The following RELCH variants were observed in gnomAD, a reference collection of about 807,000 sequenced individuals.
RELCH encodes the protein RAB11 binding and LisH domain, coiled-coil and HEAT repeat containing.
A neutral mutation model predicts 150.3 loss-of-function variants in RELCH; 41 were observed. The ratio of observed to expected loss-of-function variants is 0.27; its 90% CI spans 0.21 to 0.35. The LOEUF (loss-of-function observed/expected upper bound fraction) is 0.35. Among genes scored for constraint, RELCH ranks in the 10% least tolerant of loss-of-function variants. The pLI is 1.00. For missense variants in RELCH, 1,092 were observed against 1,467.8 expected (o/e 0.74, Z 4.18); for synonymous variants, 478 against 531.8 (o/e 0.90, Z 1.39).
chr18:62,198,612 T>C (rs542774159), intron 1 of RELCH, among the ~76,000 whole-genome samples: 11 of 152,322 alleles, frequency 7.2e-5, no homozygotes, highest in African/African-American at 2.6e-4. Context: ...AGGCTTTAGC[T>C]CACATTTGTA....
chr18:62,280,493 A>T (rs773776284), intron 23 of RELCH, 153 bp from the exon 24 acceptor site: 2 of 1,535,818 alleles, frequency 1.3e-6, no homozygotes, highest in South Asian at 2.2e-5. Flanking sequence ...CTTTTTGAGC[A>T]TTCTTCTTGG....
At position 62,282,587 on chromosome 18, in the gene RELCH, T is replaced by C. The variant is rs530250631; in HGVS notation, c.3253+143T>C. On this transcript the variant is annotated intron_variant, in intron 25 of 28. Coordinates refer to ENST00000644646, the MANE Select transcript of RELCH (RefSeq NM_001346231.2). ...GTGTACTGAAAGCCTTGTGTACTCT[T>C]GTGTACTGAAAGCTAAACATGAAAC... 2.1e-4 allele frequency: 162 copies of C among 762,444 alleles called. No homozygotes were observed. In the South Asian group the frequency reaches 2.3e-3, roughly 11 times the overall value. 47.2% of individuals were successfully genotyped at this position (762,444 alleles called of 1,614,324 possible).
chr18:62,193,423 G>A (rs2038794234), intron 1 of RELCH, among the ~76,000 whole-genome samples: 1 of 152,066 alleles, frequency 6.6e-6, no homozygotes, highest in African/African-American at 2.4e-5. Flanking sequence ...GGGGAGAGAG[G>A]GCATCCTTGT....
intron 11 of RELCH, among the ~76,000 whole-genome samples, chr18:62,249,215 A>G (rs1175713433): frequency 6.6e-6 from 1 of 152,188 alleles, no homozygotes; most frequent in African/African-American, 2.4e-5. Context: ...ATAAGAATGA[A>G]CTATGAAAGA....
intron 18 of RELCH, among the ~76,000 whole-genome samples, chr18:62,265,400 T>C (rs1416621009): frequency 6.6e-6 from 1 of 152,090 alleles, no homozygotes; most frequent in Non-Finnish European, 1.5e-5. Context: ...TAGTTTCAAA[T>C]ATTAACATTG....
Position 62,287,393 on chromosome 18 carries a change from T to TATGCAA in RELCH, c.3297_3298insTGCAAA (p.Leu1099_Gln1100insCysLys). On this transcript the variant is annotated inframe_insertion, in exon 26 of 29. Coordinates refer to ENST00000644646, the MANE Select transcript of RELCH (RefSeq NM_001346231.2). ...CATAAGTTAGCCTTGGTGAACAACT[T>TATGCAA]ACAGATTGTGGATTCTAAAAGACTG... is the stretch of plus-strand genomic sequence containing the variant. The TATGCAA allele has an allele frequency of 6.2e-7, 1 of 1,610,580 alleles. No homozygotes were observed. The highest frequency in any genetic ancestry group is 8.5e-7 in the Non-Finnish European group (1 of 1,177,530).
intron 21 of RELCH, 54 bp downstream of exon 21, chr18:62,274,140 G>A: frequency 9.2e-7 from 1 of 1,082,702 alleles, no homozygotes; most frequent in Non-Finnish European, 1.4e-6. Context: ...TTTTAGATTG[G>A]ATTTATAGAG....
chr18:62,295,230 T>C (rs1334923225), intron 27 of RELCH, among the ~76,000 whole-genome samples: 7 of 152,154 alleles, frequency 4.6e-5, no homozygotes, highest in Non-Finnish European at 8.8e-5. Context: ...AGTCTTGCTA[T>C]ATAGAACATG....
chr18:62,240,323 T>G (rs1256311006), intron 10 of RELCH, among the ~76,000 whole-genome samples: 1 of 152,066 alleles, frequency 6.6e-6, no homozygotes, highest in African/African-American at 2.4e-5. Flanking sequence ...TTATCTTGAT[T>G]TATTTAAATA....
At chr18:62,214,239 A>G (rs1311352127) in intron 2 of RELCH, among the ~76,000 whole-genome samples, 1 of 152,210 alleles carries the variant, frequency 6.6e-6, no homozygotes, top group Non-Finnish European at 1.5e-5. Flanking sequence ...TTTAGTGCTC[A>G]TGTACCATGG....
At chr18:62,206,464 G>A (rs2039786409) in intron 1 of RELCH, among the ~76,000 whole-genome samples, 1 of 152,344 alleles carries the variant, frequency 6.6e-6, no homozygotes, top group Admixed American at 6.5e-5. Flanking sequence ...CTTGATTATT[G>A]TGATGTACTA....
At chr18:62,275,192 G>A (rs2044130715) in intron 21 of RELCH, among the ~76,000 whole-genome samples, 182 bp from the exon 22 acceptor site, 1 of 152,166 alleles carries the variant, frequency 6.6e-6, no homozygotes, top group African/African-American at 2.4e-5. Flanking sequence ...TGGGATTACA[G>A]GCGTGAGCCA....
chr18:62,245,123 C>A (rs2042336313), intron 11 of RELCH, among the ~76,000 whole-genome samples: 1 of 150,906 alleles, frequency 6.6e-6, no homozygotes, highest in Non-Finnish European at 1.5e-5. Context: ...TTTAAAGGGA[C>A]CTGGAATTTA....
chr18:62,231,084 T>C, intron 8 of RELCH, 110 bp from the exon 9 acceptor site: 1 of 695,590 alleles, frequency 1.4e-6, no homozygotes, highest in Non-Finnish European at 2.4e-6. Context: ...GTTAGCTTTG[T>C]GGGGTAGGAT....
At position 62,205,393 on chromosome 18, in the gene RELCH, C is replaced by A. The variant is rs185666965; in HGVS notation, c.527-5760C>A. Among the ~76,000 whole-genome samples, 257 of 152,266 alleles carry A rather than the reference C, an allele frequency of 1.7e-3. 1 individual carries two copies. Among genetic ancestry groups the A allele is most frequent in the Non-Finnish European group, 2.7e-3 (185 of 68,018 alleles). ...CAGTCAGTTCCTACCCCTTCTAGCCCTTTACCACAAGAACCACTATTAATT... is the reference window on the plus strand; with the variant it reads ...CAGTCAGTTCCTACCCCTTCTAGCCATTTACCACAAGAACCACTATTAATT... On this transcript the variant is annotated intron_variant, in intron 1 of 28. Coordinates refer to ENST00000644646, the MANE Select transcript of RELCH (RefSeq NM_001346231.2).
At chr18:62,255,840 G>T (rs1334380973) in intron 13 of RELCH, among the ~76,000 whole-genome samples, 3 of 151,968 alleles carry the variant, frequency 2.0e-5, no homozygotes, top group Admixed American at 6.6e-5. Context: ...TGTATTGTTG[G>T]TGCAAAAGCA....
chr18:62,258,441 A>T, intron 14 of RELCH, 71 bp from the exon 15 acceptor site: 2 of 1,277,530 alleles, frequency 1.6e-6, no homozygotes, highest in Non-Finnish European at 1.1e-6. Flanking sequence ...AATTTTTATT[A>T]CTTTTTATTA....
chr18:62,227,658 T>A lies in RELCH; in HGVS notation c.1123T>A (p.Ser375Thr). The A allele has an allele frequency of 6.4e-7, 1 of 1,559,428 alleles. No homozygotes were observed. Among genetic ancestry groups the A allele is most frequent in the Non-Finnish European group, 8.8e-7 (1 of 1,135,592 alleles). The change falls in exon 7 of 29, where the codon TCA becomes ACA. Residue 375 changes from serine to threonine, a missense_variant. By Grantham distance (58) the Ser-to-Thr change is moderately conservative. Around this residue, in one of 4 missense-constraint regions of RELCH, gnomAD observed 707 missense variants for 1,025.4 expected, o/e 0.69. Transcript: ENST00000644646. Reference protein sequence around the residue: ...KISLLNSEKWSLMEQIRRLKS... With the variant: ...KISLLNSEKWTLMEQIRRLKS... ...TAGTTTGTTAAATAGTGAGAAATGG[T>A]CATTGATGGAGCAAATCAGAAGACT...
At chr18:62,231,158 T>C in intron 8 of RELCH, 36 bp from the exon 9 acceptor site, 1 of 1,285,288 alleles carries the variant, frequency 7.8e-7, no homozygotes, top group Non-Finnish European at 1.1e-6. Flanking sequence ...ATGGTAATTA[T>C]TTGATATTGT....
Sources: allele counts gnomAD v4.1 joint callset (sites outside exome capture counted in the v4.1 genomes callset), GRCh38; gene constraint gnomAD v4.1.1; regional missense constraint gnomAD v4.1.1; transcripts MANE v1.5; gene names NCBI Gene and HGNC (gene_info 2026-07-23, HGNC 2026-07-21).